Variants in GPATCH8 observed in about 807,000 individuals in gnomAD.
The protein encoded by GPATCH8 is G-patch domain containing 8, also known as G patch domain-containing protein 8.
In GPATCH8, 18 loss-of-function variants were observed where a neutral mutation model predicts 118.3. The ratio of observed to expected loss-of-function variants is 0.15; its 90% confidence interval spans 0.11 to 0.23. The LOEUF is 0.23. GPATCH8 is among the 10% of genes least tolerant of loss of function. The pLI is 1.00. For synonymous variants in GPATCH8, 659 were observed against 684.7 expected (o/e 0.96, Z 0.59); for missense variants, 1,631 against 1,873.8 (o/e 0.87, Z 2.39).
At chr17:44,433,921 G>T (rs920281150) in intron 5 of GPATCH8, among the ~76,000 whole-genome samples, 1 of 151,768 alleles carries the variant, frequency 6.6e-6, no homozygotes, top group Non-Finnish European at 1.5e-5. Context: ...GGCAGATCAC[G>T]TGAGGTAAGG....
intron 5 of GPATCH8, among the ~76,000 whole-genome samples, chr17:44,431,573 A>ATT (rs74472815): frequency 0.5 from 75,533 of 151,390 alleles, 20,517 homozygotes; most frequent in Middle Eastern, 0.63. Flanking sequence ...AATAACAAGA[A>ATT]TGTCAAATGA....
At chr17:44,475,623 G>A (rs907789779) in intron 1 of GPATCH8, among the ~76,000 whole-genome samples, 2 of 152,094 alleles carry the variant, frequency 1.3e-5, no homozygotes, top group Non-Finnish European at 2.9e-5. Flanking sequence ...GAACCCGGGA[G>A]GCGGAGCTTG....
intron 1 of GPATCH8, among the ~76,000 whole-genome samples, chr17:44,494,168 TAAC>T: frequency 6.6e-6 from 1 of 152,152 alleles, no homozygotes; most frequent in Non-Finnish European, 1.5e-5. Context: ...ACTCCCACTC[TAAC>T]AAGTCTTAAA....
At chr17:44,429,889 C>T (rs926531776) in intron 5 of GPATCH8, among the ~76,000 whole-genome samples, 3 of 151,610 alleles carry the variant, frequency 2.0e-5, no homozygotes, top group East Asian at 1.9e-4. Flanking sequence ...ATTAGCTGGA[C>T]GTGGTGGCGC....
chr17:44,421,371 TTTTTC>T (rs2049895850), intron 6 of GPATCH8, among the ~76,000 whole-genome samples: 1 of 151,778 alleles, frequency 6.6e-6, no homozygotes, highest in African/African-American at 2.4e-5. Flanking sequence ...AAAAACCTTT[TTTTTC>T]TTTTCTTGAG....
chr17:44,409,489 G>A (rs1379001864), intron 6 of GPATCH8: 3 of 152,210 alleles, frequency 2.0e-5, no homozygotes, highest in African/African-American at 7.2e-5. Context: ...AGAGGTGACT[G>A]TTCTTTCTGA....
At chr17:44,451,283 G>A (rs1028297019) in intron 3 of GPATCH8, among the ~76,000 whole-genome samples, 1 of 152,058 alleles carries the variant, frequency 6.6e-6, no homozygotes, top group Non-Finnish European at 1.5e-5. Flanking sequence ...TTGGTAGAGA[G>A]GGTTTCGCCA....
chr17:44,444,863 G>A (rs1047973337), intron 3 of GPATCH8, among the ~76,000 whole-genome samples: 1 of 152,216 alleles, frequency 6.6e-6, no homozygotes, highest in Non-Finnish European at 1.5e-5. Context: ...GGCCAGAATG[G>A]CATTTAGTTA....
intron 6 of GPATCH8, among the ~76,000 whole-genome samples, chr17:44,415,265 C>T (rs538000814): frequency 1.3e-5 from 2 of 152,260 alleles, no homozygotes; most frequent in South Asian, 2.1e-4. Context: ...AAATGGTATA[C>T]ATAAATTTTG....
intron 3 of GPATCH8, among the ~76,000 whole-genome samples, chr17:44,462,390 A>G (rs1209055937): frequency 6.6e-6 from 1 of 152,208 alleles, no homozygotes; most frequent in Non-Finnish European, 1.5e-5. Context: ...GACAAATTCT[A>G]TCAAAAAGCC....
At position 44,397,682 on chromosome 17, in the gene GPATCH8, G is replaced by T. The variant is rs748761255; in HGVS notation, c.4395C>A (p.Thr1465=). 6 of 1,612,704 alleles carry T rather than the reference G, an allele frequency of 3.7e-6. No individual in the cohort carries two copies. In the South Asian group the frequency reaches 4.4e-5, roughly 12 times the overall value. Reference sequence around the variant, plus strand: ...CTGCAGCAGGCCGTGGAGCAAGTAGGGTGGGGTAGAGGGCAGCATGTGGGA... The same window carrying T: ...CTGCAGCAGGCCGTGGAGCAAGTAGTGTGGGGTAGAGGGCAGCATGTGGGA... ...HPVPHAALYP[T]LLAPRPAAAA... Residue 1465 remains threonine, a synonymous_variant, in exon 8 of 8, where the codon ACC becomes ACA. Transcript: ENST00000591680.
chr17:44,471,559 A>G (rs752125471), intron 2 of GPATCH8, among the ~76,000 whole-genome samples: 2 of 152,198 alleles, frequency 1.3e-5, no homozygotes, highest in South Asian at 2.1e-4. Flanking sequence ...CCAAAGCTGC[A>G]TATTTTCAGC....
At chr17:44,436,167 A>C (rs1306017101) in intron 4 of GPATCH8, among the ~76,000 whole-genome samples, 3 of 152,036 alleles carry the variant, frequency 2.0e-5, no homozygotes, top group Non-Finnish European at 2.9e-5. Flanking sequence ...ACATTTTAAG[A>C]GCTGAGCAAC....
chr17:44,461,711 T>A (rs947474417), intron 3 of GPATCH8, among the ~76,000 whole-genome samples: 2 of 151,504 alleles, frequency 1.3e-5, no homozygotes, highest in African/African-American at 4.9e-5. Context: ...CGTGTGTGTG[T>A]GAGACAGAGT....
intron 3 of GPATCH8, 25 bp from the exon 4 acceptor site, chr17:44,436,570 G>A (rs1567986305): frequency 4.9e-6 from 6 of 1,215,720 alleles, no homozygotes; most frequent in Non-Finnish European, 7.4e-6. Context: ...CATAATCAAG[G>A]TAAGGTGCAA....
intron 6 of GPATCH8, among the ~76,000 whole-genome samples, chr17:44,411,423 A>C (rs2049427666): frequency 6.6e-6 from 1 of 152,222 alleles, no homozygotes; most frequent in African/African-American, 2.4e-5. Flanking sequence ...CATCAAAATA[A>C]AATTTGACAC....
chr17:44,399,141 G>A lies in GPATCH8; in HGVS notation c.2936C>T (p.Ala979Val). ...RSKRRSRSTT[A>V]HSWQRSRSYS... is the part of the protein sequence containing the mutation. ...GCTCCGGCTCCGTTGCCAGCTGTGG[G>A]CTGTGGTGCTACGGCTTCTCCGCTT... Residue 979 changes from alanine (A) to valine (V), a missense_variant, in exon 8 of 8, where the codon GCC (alanine) becomes GTC (valine). Physicochemically the swap from Ala to Val is moderately conservative, Grantham distance 64. Transcript: ENST00000591680. 1.2e-6 allele frequency: 2 copies of A among 1,607,208 alleles called. No individual in the cohort carries two copies. The highest frequency in any genetic ancestry group is 2.2e-5 in the East Asian group (1 of 44,850).
chr17:44,468,189 T>C (rs1966956682), intron 2 of GPATCH8, among the ~76,000 whole-genome samples: 1 of 151,692 alleles, frequency 6.6e-6, no homozygotes, highest in South Asian at 2.1e-4. Context: ...GCCAGGCTGG[T>C]CTCAAACTCC....
At chr17:44,422,848 G>C (rs995510209) in intron 6 of GPATCH8, among the ~76,000 whole-genome samples, 3 of 151,946 alleles carry the variant, frequency 2.0e-5, no homozygotes, top group East Asian at 1.9e-4. Context: ...ATTCACTGTT[G>C]AATTTTTCTT....
Sources: gnomAD v4.1 joint callset for allele counts (sites outside exome capture counted in the v4.1 genomes callset) on GRCh38, gnomAD v4.1.1 for gene constraint, MANE v1.5 for transcripts, NCBI Gene and HGNC (gene_info 2026-07-23, HGNC 2026-07-21) for gene names.